The following PTPN21 variants were observed in gnomAD, a reference collection of about 807,000 sequenced individuals.
The protein encoded by PTPN21 is tyrosine-protein phosphatase non-receptor type 21.
In PTPN21, 77 loss-of-function variants were observed where a neutral mutation model predicts 131.8. The ratio of observed to expected loss-of-function variants is 0.58; its 90% CI spans 0.49 to 0.71. The LOEUF (loss-of-function observed/expected upper bound fraction) is 0.71. PTPN21 is among the 30% of genes least tolerant of loss of function. The pLI, the probability that PTPN21 is intolerant of heterozygous loss-of-function variation, is 0.00. For missense variants in PTPN21, 1,552 were observed against 1,527.1 expected (o/e 1.02, Z -0.27); for synonymous variants, 715 against 621.3 (o/e 1.15, Z -2.24).
intron 10 of PTPN21, among the ~76,000 whole-genome samples, chr14:88,488,492 G>A (rs1046933211): frequency 1.3e-4 from 20 of 152,208 alleles, no homozygotes; most frequent in Admixed American, 1.2e-3. Context: ...TATAAATGCA[G>A]TTTACTCTGA....
At chr14:88,516,833 A>G (rs534871517) in intron 3 of PTPN21, among the ~76,000 whole-genome samples, 1 of 152,320 alleles carries the variant, frequency 6.6e-6, no homozygotes, top group African/African-American at 2.4e-5. Context: ...TAACATCACT[A>G]CAAGAAGAGT....
rs1566825980 is a variant in PTPN21, at chr14:88,497,293, A to G, written c.765-3T>C. The G allele has an allele frequency of 4.4e-6, 7 of 1,608,512 alleles. No homozygotes were observed. Among genetic ancestry groups the G allele is most frequent in the South Asian group, 3.3e-5 (3 of 90,926 alleles). ...ACATGTTGGCAATGTCATGCCACCTAAAGAACAGCAAATAGAGAACTGGCA... is the reference window on the plus strand; with the variant it reads ...ACATGTTGGCAATGTCATGCCACCTGAAGAACAGCAAATAGAGAACTGGCA... On this transcript the variant is annotated splice_region_variant and splice_polypyrimidine_tract_variant and intron_variant, in intron 8 of 18. Transcript: ENST00000556564.
At chr14:88,486,747 C>T (rs752952782) in intron 10 of PTPN21, among the ~76,000 whole-genome samples, 1 of 151,976 alleles carries the variant, frequency 6.6e-6, no homozygotes, top group Non-Finnish European at 1.5e-5. Flanking sequence ...GAGGCCAAGG[C>T]GGGTGGATCA....
At chr14:88,516,968 C>T in intron 3 of PTPN21, 124 bp downstream of exon 3, 2 of 1,085,118 alleles carry the variant, frequency 1.8e-6, no homozygotes, top group South Asian at 1.7e-5. Flanking sequence ...CTTTGTAACA[C>T]CGTGGCTAAA....
intron 2 of PTPN21, among the ~76,000 whole-genome samples, chr14:88,520,242 ACTGT>A (rs1166743459): frequency 6.6e-6 from 1 of 152,064 alleles, no homozygotes; most frequent in Non-Finnish European, 1.5e-5. Context: ...ATGGCGAAAC[ACTGT>A]CTGTGTAAAA....
intron 10 of PTPN21, among the ~76,000 whole-genome samples, chr14:88,486,581 C>T (rs1214088462): frequency 6.6e-6 from 1 of 152,062 alleles, no homozygotes; most frequent in Admixed American, 6.6e-5. Flanking sequence ...CTCTAAGGAA[C>T]CAAGGGAAAG....
chr14:88,495,051 G>T (rs2077889081), intron 10 of PTPN21, among the ~76,000 whole-genome samples: 1 of 130,156 alleles, frequency 7.7e-6, no homozygotes, highest in Non-Finnish European at 1.5e-5. Context: ...AAGAGTGTCA[G>T]TGTCAGGATC....
Position 88,507,973 on chromosome 14 carries a change from A to G in PTPN21, c.398T>C (p.Ile133Thr). ...AATTGCTTGTTCTAAGGTACAAGGA[A>G]TACTTCCTTCCAAGATATCTTTCTT... ...QLKKDILEGS[I>T]PCTLEQAIQL... The change falls in exon 4 of 19, where the codon ATT (isoleucine) becomes ACT (threonine). Residue 133 changes from isoleucine (I) to threonine (T), a missense_variant. Coordinates refer to ENST00000556564, the MANE Select transcript of PTPN21 (RefSeq NM_007039.4). The G allele has an allele frequency of 1.2e-6, 2 of 1,608,258 alleles. No individual in the cohort carries two copies. The highest frequency in any genetic ancestry group is 1.7e-6 in the Non-Finnish European group (2 of 1,177,438).
rs1371201930 is a variant in PTPN21 at position 88,469,063 on chromosome 14, C to A, written c.3249G>T (p.Glu1083Asp). 7 of 1,612,966 alleles carry A rather than the reference C, an allele frequency of 4.3e-6. No individual in the cohort carries two copies. Among genetic ancestry groups the A allele is most frequent in the Non-Finnish European group, 5.9e-6 (7 of 1,179,190 alleles). ...DLKGFLSYLE[E>D]IQSVRRHTNS... The stretch of plus-strand genomic sequence containing the variant: ...TTGTATGGCGTCGAACAGACTGGAT[C>A]TCTTCAAGATATGCTGTGGAAAATC... Residue 1083 changes from glutamate (E) to aspartate (D), a missense_variant, in exon 18 of 19, where the codon GAG (glutamate) becomes GAT (aspartate). Glu to Asp is a conservative substitution (Grantham distance 45). Around this residue, in one of 4 missense-constraint regions of PTPN21, gnomAD observed 316 missense variants for 378.5 expected, o/e 0.83. Coordinates refer to ENST00000556564, the MANE Select transcript of PTPN21 (RefSeq NM_007039.4). This position sits in a 1 kb window ranked among gnomAD's most constrained non-coding sequence, Gnocchi z 4.3.
chr14:88,536,985 T>C (rs1414278289), intron 2 of PTPN21, among the ~76,000 whole-genome samples: 1 of 152,198 alleles, frequency 6.6e-6, no homozygotes, highest in African/African-American at 2.4e-5. Flanking sequence ...TTGTGACAGA[T>C]AGTGGCGGTC....
At chr14:88,489,651 TTAAAAAAA>T (rs1201316385) in intron 10 of PTPN21, among the ~76,000 whole-genome samples, 1 of 151,996 alleles carries the variant, frequency 6.6e-6, no homozygotes, top group Admixed American at 6.6e-5. Flanking sequence ...CCCCGTCTCT[TTAAAAAAA>T]TAAATAAATA....
chr14:88,536,690 C>A (rs1361341485), intron 2 of PTPN21, among the ~76,000 whole-genome samples: 3 of 152,192 alleles, frequency 2.0e-5, no homozygotes, highest in African/African-American at 7.2e-5. Flanking sequence ...AGCAGAGGGA[C>A]ACAGAAATTA....
intron 2 of PTPN21, among the ~76,000 whole-genome samples, chr14:88,524,016 C>A (rs2078439568): frequency 6.6e-6 from 1 of 152,120 alleles, no homozygotes; most frequent in South Asian, 2.1e-4. Flanking sequence ...TGTTCATAGA[C>A]TGAAATACTT....
At chr14:88,493,009 C>T (rs1403391672) in intron 10 of PTPN21, 2 of 440,420 alleles carry the variant, frequency 4.5e-6, no homozygotes, top group Non-Finnish European at 9.0e-6. Context: ...GCAGGAACTA[C>T]TCTAACAGGC....
chr14:88,501,792 A>T (rs1185517084), intron 6 of PTPN21, among the ~76,000 whole-genome samples: 1 of 151,740 alleles, frequency 6.6e-6, no homozygotes, highest in Non-Finnish European at 1.5e-5. Context: ...CAGCCTGGGC[A>T]ACATAGTGAG....
intron 18 of PTPN21, 30 bp from the exon 19 acceptor site, chr14:88,468,295 A>G: frequency 6.4e-7 from 1 of 1,572,058 alleles, no homozygotes; most frequent in Non-Finnish European, 8.6e-7. Flanking sequence ...AATGAAGATA[A>G]TGTGTTCCCC....
rs1168366848 is a variant in PTPN21, at chr14:88,485,162, T to A, written c.994-2A>T. ...CATCACGTAGGGCTGGGGTTTAGGC[T>A]AAGAAATGGAGAGTTTGACACAGGG... On this transcript the variant is annotated splice_acceptor_variant, in intron 11 of 18. Transcript: ENST00000556564. LOFTEE classifies it high-confidence loss of function. The A allele has an allele frequency of 6.3e-7, 1 of 1,575,632 alleles. No homozygotes were observed. The highest frequency in any genetic ancestry group is 1.4e-5 in the African/African-American group (1 of 73,942).
chr14:88,488,622 C>T (rs2077772093), intron 10 of PTPN21, among the ~76,000 whole-genome samples: 1 of 152,134 alleles, frequency 6.6e-6, no homozygotes, highest in African/African-American at 2.4e-5. Context: ...GAAGAAATCA[C>T]TAGAATCTGT....
intron 2 of PTPN21, among the ~76,000 whole-genome samples, chr14:88,520,492 C>T (rs957841646): frequency 5.3e-5 from 8 of 151,792 alleles, no homozygotes; most frequent in African/African-American, 1.9e-4. Context: ...TCTGAAAGGC[C>T]AAGTCCCATT....
Sources: gnomAD v4.1 joint callset for allele counts (sites outside exome capture counted in the v4.1 genomes callset) on GRCh38, gnomAD v4.1.1 for gene constraint, gnomAD v4.1.1 regional missense constraint, Gnocchi (gnomAD v3.1) non-coding constraint, MANE v1.5 for transcripts, NCBI Gene and HGNC (gene_info 2026-07-23, HGNC 2026-07-21) for gene names.